The following ARHGAP23 variants were observed in gnomAD, a reference collection of about 807,000 sequenced individuals.
ARHGAP23 encodes Rho GTPase activating protein 23.
ARHGAP23 carries 34 observed loss-of-function variants against 136.3 expected under a neutral mutation model. The ratio of observed to expected loss-of-function variants is 0.25; its 90% CI spans 0.19 to 0.33. The LOEUF (loss-of-function observed/expected upper bound fraction) is 0.33. ARHGAP23 is among the 10% of genes least tolerant of loss of function. ARHGAP23 has a pLI of 1.00. For synonymous variants in ARHGAP23, 832 were observed against 920.5 expected (o/e 0.90, Z 1.74); for missense variants, 1,808 against 2,139.0 (o/e 0.85, Z 3.05).
chr17:38,425,174 A>G (rs940604816), upstream of ARHGAP23, among the ~76,000 whole-genome samples: 4 of 150,434 alleles, frequency 2.7e-5, no homozygotes, highest in African/African-American at 7.3e-5. Context: ...CCAGCGTCAC[A>G]CCCCCGCCTG....
chr17:38,463,823 T>C (rs1027274670), intron 6 of ARHGAP23, among the ~76,000 whole-genome samples: 1 of 152,026 alleles, frequency 6.6e-6, no homozygotes, highest in African/African-American at 2.4e-5. Context: ...ACCCGAGCAG[T>C]ACACAGCCAC....
At position 38,477,726 on chromosome 17, in the gene ARHGAP23, G is replaced by A. The variant is rs1327270526; in HGVS notation, c.2266G>A (p.Val756Ile). 9.7e-6 allele frequency: 15 copies of A among 1,546,308 alleles called. No individual in the cohort carries two copies. Among genetic ancestry groups the A allele is most frequent in the African/African-American group, 2.7e-5 (2 of 72,804 alleles). The change falls in exon 12 of 24, where the codon GTC becomes ATC. Residue 756 changes from valine to isoleucine, a missense_variant. Physicochemically the swap from Val to Ile is conservative, Grantham distance 29. This residue lies in a region of ARHGAP23 where 139 missense variants were observed against 264.3 expected (regional missense o/e 0.53). Transcript: ENST00000622683. This position sits in a 1 kb window ranked among gnomAD's most constrained non-coding sequence, Gnocchi z 6.6. Reference protein sequence around the residue: ...AGAGEDEAAPVCIGSCLVDIS... With the variant: ...AGAGEDEAAPICIGSCLVDIS... ...CGCAGGTGAGGACGAGGCGGCGCCCGTCTGCATCGGCTCCTGCCTCGTGGA... is the reference window on the plus strand; with the variant it reads ...CGCAGGTGAGGACGAGGCGGCGCCCATCTGCATCGGCTCCTGCCTCGTGGA...
chr17:38,425,730 T>C (rs2038563042), upstream of ARHGAP23, among the ~76,000 whole-genome samples: 3 of 151,910 alleles, frequency 2.0e-5, no homozygotes, highest in South Asian at 6.3e-4. Flanking sequence ...GCAGGATGCA[T>C]GGAGTGAGAC....
upstream of ARHGAP23, among the ~76,000 whole-genome samples, chr17:38,423,622 C>T (rs1223635188): frequency 2.0e-5 from 3 of 152,124 alleles, no homozygotes; most frequent in Non-Finnish European, 2.9e-5. Flanking sequence ...ATCTGCCCTC[C>T]TCAGCCTCCC....
At chr17:38,492,103 C>T (rs571939522) in intron 20 of ARHGAP23, among the ~76,000 whole-genome samples, 135 of 152,294 alleles carry the variant, frequency 8.9e-4, no homozygotes, top group Non-Finnish European at 1.6e-3. Flanking sequence ...CCTCCCTTCT[C>T]ATGGCTTCCT....
At position 38,481,398 on chromosome 17, in the gene ARHGAP23, C is replaced by T. The variant is rs570150870; in HGVS notation, c.2630-624C>T. Among the ~76,000 whole-genome samples the T allele has an allele frequency of 3.9e-5, 6 of 152,260 alleles. No individual in the cohort carries two copies. The South Asian group carries it at 6.2e-4, about 16-fold the overall frequency. On this transcript the variant is annotated intron_variant, in intron 14 of 23. Transcript: ENST00000622683. ...TCCTGACCTCGTGATCCGCCCGCCT[C>T]GGCCTCCCATAGTGCTGGGATTACA...
intron 1 of ARHGAP23, among the ~76,000 whole-genome samples, chr17:38,420,320 T>G (rs1038571059): frequency 2.6e-5 from 4 of 152,204 alleles, no homozygotes; most frequent in African/African-American, 7.2e-5. Context: ...CAACCCCCAC[T>G]TGGGGTGAGG....
chr17:38,452,670 T>C (rs73982805), intron 1 of ARHGAP23, among the ~76,000 whole-genome samples: 10 of 152,214 alleles, frequency 6.6e-5, no homozygotes, highest in African/African-American at 2.4e-4. Flanking sequence ...TAAGTGGCTG[T>C]GGTGATATTG....
chr17:38,479,359 A>G, intron 12 of ARHGAP23, 77 bp from the exon 13 acceptor site: 1 of 1,310,422 alleles, frequency 7.6e-7, no homozygotes, highest in Non-Finnish European at 1.1e-6. Context: ...CAAGAGGGGA[A>G]GCAGGGCTAG....
rs9893738 is a variant in ARHGAP23 at position 38,504,402 on chromosome 17, C to T, written c.3447+3774C>T. Reference sequence around the variant, plus strand: ...GAGGCACCAGGCATCTGAGAGCCTGCGGCCTCCTGTCCCGGCTGTAAGGAA... The same window carrying T: ...GAGGCACCAGGCATCTGAGAGCCTGTGGCCTCCTGTCCCGGCTGTAAGGAA... On this transcript the variant is annotated intron_variant, in intron 23 of 23. Coordinates refer to ENST00000622683, the MANE Select transcript of ARHGAP23 (RefSeq NM_001199417.2). Among the ~76,000 whole-genome samples, 889 of 152,328 alleles carry T rather than the reference C, an allele frequency of 5.8e-3. 10 individuals carry two copies. Among genetic ancestry groups the T allele is most frequent in the African/African-American group, 0.021 (855 of 41,572 alleles).
At chr17:38,443,526 G>C (rs2038964447) in intron 1 of ARHGAP23, among the ~76,000 whole-genome samples, 1 of 152,180 alleles carries the variant, frequency 6.6e-6, no homozygotes, top group South Asian at 2.1e-4. Flanking sequence ...TCATGGTAGT[G>C]ACCCAGGGGA....
chr17:38,481,979 C>G, intron 14 of ARHGAP23, 43 bp from the exon 15 acceptor site: 2 of 1,480,558 alleles, frequency 1.4e-6, no homozygotes, highest in Non-Finnish European at 1.8e-6. Flanking sequence ...TGTGACCCTC[C>G]TGGATACCCC....
chr17:38,438,612 C>T (rs965418366), intron 1 of ARHGAP23, among the ~76,000 whole-genome samples: 4 of 151,934 alleles, frequency 2.6e-5, no homozygotes, highest in Admixed American at 2.0e-4. Flanking sequence ...ACAAGGGTCT[C>T]GGGCAGTGGA....
chr17:38,462,931 G>T lies in ARHGAP23; in HGVS notation c.339G>T (p.Gly113=). 1 of 1,542,398 alleles carries T rather than the reference G, an allele frequency of 6.5e-7. No homozygotes were observed. The highest frequency in any genetic ancestry group is 1.2e-5 in the South Asian group (1 of 82,344). ...AAGACGGCCCTGCCCATAGGGCGGG[G>T]CTTCGCACAGGTGAGCTGGCCCAGT... ...VKEDGPAHRA[G]LRTGDRLVKV... is the part of the protein sequence containing the mutation. Residue 113 remains glycine (G), a synonymous_variant, in exon 4 of 24, where the codon GGG becomes GGT. Transcript: ENST00000622683.
chr17:38,486,228 TAC>T, intron 17 of ARHGAP23, 88 bp downstream of exon 17: 61 of 1,233,056 alleles, frequency 4.9e-5, no homozygotes, highest in Middle Eastern at 1.9e-4. Flanking sequence ...TTGTTGGTTT[TAC>T]TCTTTTTTTT....
At chr17:38,464,908 C>G (rs1441316293) in intron 6 of ARHGAP23, among the ~76,000 whole-genome samples, 1 of 152,152 alleles carries the variant, frequency 6.6e-6, no homozygotes, top group Non-Finnish European at 1.5e-5. Context: ...CGGGCCTCGG[C>G]AGCTGCTGAC....
intron 14 of ARHGAP23, among the ~76,000 whole-genome samples, chr17:38,481,433 C>T (rs1324086587): frequency 2.0e-5 from 3 of 152,224 alleles, no homozygotes; most frequent in Admixed American, 6.5e-5. Flanking sequence ...AGGCGTAAGC[C>T]ACCGCGCCCG....
chr17:38,511,071 G>T lies in ARHGAP23; in HGVS notation c.*99G>T, dbSNP rs998723306. 5.5e-5 allele frequency: 68 copies of T among 1,241,750 alleles called. No homozygotes were observed. The highest frequency in any genetic ancestry group is 8.2e-5 in the Admixed American group (2 of 24,488). 76.9% of individuals were successfully genotyped at this position (1,241,750 alleles called of 1,614,324 possible). A position where few individuals can be genotyped will look rare whatever the true frequency, so the allele number is the denominator to read the frequency against. ...GCACCTCCTCTTCTGTGGCCCCTGG[G>T]TGCATGGTGTGGGTGGAGGGCGCAG... is the stretch of plus-strand genomic sequence containing the variant. On this transcript the variant is annotated 3_prime_UTR_variant, in exon 24 of 24. Transcript: ENST00000622683.
chr17:38,470,659 C>T (rs1311546072), intron 10 of ARHGAP23, among the ~76,000 whole-genome samples: 2 of 152,018 alleles, frequency 1.3e-5, no homozygotes, highest in Non-Finnish European at 2.9e-5. Flanking sequence ...GCCTCAGCCT[C>T]CCGAGCAGCT....
Sources: allele counts gnomAD v4.1 joint callset (sites outside exome capture counted in the v4.1 genomes callset), GRCh38; gene constraint gnomAD v4.1.1; regional missense constraint gnomAD v4.1.1; non-coding constraint Gnocchi (gnomAD v3.1); transcripts MANE v1.5; gene names NCBI Gene and HGNC (gene_info 2026-07-23, HGNC 2026-07-21).